PCGF3: variants seen among roughly 807,000 people sequenced by gnomAD.
PCGF3 encodes polycomb group ring finger 3, also known as polycomb group RING finger protein 3.
PCGF3 carries 7 observed loss-of-function variants against 33.1 expected under a neutral mutation model. That is an observed-to-expected ratio of 0.21 (90% CI 0.12 to 0.40). PCGF3 has a LOEUF of 0.40. Ranked by LOEUF, PCGF3 falls within the 10% of genes least tolerant of loss-of-function variation. The pLI is 1.00. For synonymous variants in PCGF3, 153 were observed against 121.3 expected (o/e 1.26, Z -1.72); for missense variants, 211 against 313.3 (o/e 0.67, Z 2.46).
intron 1 of PCGF3, among the ~76,000 whole-genome samples, chr4:710,633 T>A (rs1055672345): frequency 8.5e-5 from 13 of 152,242 alleles, no homozygotes; most frequent in African/African-American, 2.9e-4. Context: ...GTTTCTCCGA[T>A]GTCACCGTCA....
chr4:756,683 T>C (rs1327834777), intron 8 of PCGF3, among the ~76,000 whole-genome samples: 1 of 152,192 alleles, frequency 6.6e-6, no homozygotes, highest in African/African-American at 2.4e-5. Context: ...TTCAGTGGCC[T>C]TGGGTACAGA....
At chr4:713,420 GTGGGGGCTGTGGCC>G (rs1742667239) in intron 1 of PCGF3, among the ~76,000 whole-genome samples, 2 of 142,164 alleles carry the variant, frequency 1.4e-5, no homozygotes, top group African/African-American at 2.7e-5. Flanking sequence ...CTGTGGCCTC[GTGGGGGCTGTGGCC>G]TCATGGGTCT....
At chr4:715,883 CCTGTGGACACTGAGGGTGAGAACTGGGCG>C (rs1742807287) in intron 1 of PCGF3, among the ~76,000 whole-genome samples, 1 of 107,442 alleles carries the variant, frequency 9.3e-6, no homozygotes. Context: ...GTGCTGGGAC[CCTGTGGACACTGAGGGTGAGAACTGGGCG>C]TCGGTGCTGG....
chr4:760,854 C>T (rs2152620741), intron 8 of PCGF3, among the ~76,000 whole-genome samples: 1 of 152,340 alleles, frequency 6.6e-6, no homozygotes, highest in African/African-American at 2.4e-5. Context: ...CCGCCTGTGG[C>T]CCTGCTCAAG....
At chr4:711,443 C>CTTTTTTTTTTTTTTT (rs201359627) in intron 1 of PCGF3, among the ~76,000 whole-genome samples, 1 of 122,940 alleles carries the variant, frequency 8.1e-6, no homozygotes, top group African/African-American at 2.8e-5. Context: ...TGTAATTTTT[C>CTTTTTTTTTTTTTTT]TTTTTTTTTT....
chr4:728,178 T>TC (rs1436034749), intron 1 of PCGF3, among the ~76,000 whole-genome samples: 1 of 152,160 alleles, frequency 6.6e-6, no homozygotes, highest in Non-Finnish European at 1.5e-5. Context: ...CACGGCCAGC[T>TC]CCCCCGAATC....
chr4:728,243 T>C (rs1743408632), intron 1 of PCGF3, among the ~76,000 whole-genome samples: 1 of 152,128 alleles, frequency 6.6e-6, no homozygotes, highest in South Asian at 2.1e-4. Context: ...CAATAACAAA[T>C]AACAGTACAA....
chr4:770,087 TAA>T (rs1745561216), exon 11 of PCGF3: 1 of 152,626 alleles, frequency 6.6e-6, no homozygotes, highest in Non-Finnish European at 1.5e-5. Flanking sequence ...AAGAAAAGCT[TAA>T]GTGAAAGTGT....
intron 1 of PCGF3, chr4:723,676 G>A (rs1743208808): frequency 6.5e-6 from 1 of 153,710 alleles, no homozygotes; most frequent in African/African-American, 2.4e-5. Context: ...AGACCCTCAA[G>A]ACGCAGGAGC....
chr4:721,227 C>T lies in PCGF3; in HGVS notation c.-189-9403C>T, dbSNP rs752446478. ...ATGGTTCCCCAGTGAGGCTGTTCCACGGTGGCACAGGACACGCCTGCAGCT... is the reference window on the plus strand; with the variant it reads ...ATGGTTCCCCAGTGAGGCTGTTCCATGGTGGCACAGGACACGCCTGCAGCT... On this transcript the variant is annotated intron_variant, in intron 1 of 10. Coordinates refer to ENST00000362003, the Ensembl canonical transcript of PCGF3. This position sits in a 1 kb window ranked among gnomAD's most constrained non-coding sequence, Gnocchi z 4.1. Among the ~76,000 whole-genome samples the T allele has an allele frequency of 1.4e-4, 22 of 152,302 alleles. No individual in the cohort carries two copies. The highest frequency in any genetic ancestry group is 2.4e-4 in the Non-Finnish European group (16 of 68,024).
At chr4:733,031 C>T (rs969115394) in intron 3 of PCGF3, among the ~76,000 whole-genome samples, 13 of 151,926 alleles carry the variant, frequency 8.6e-5, no homozygotes, top group African/African-American at 3.2e-4. Flanking sequence ...TTGTGCCCAC[C>T]CTGTGAGGGT....
chr4:735,159 AC>A, intron 5 of PCGF3, 132 bp downstream of exon 5: 1 of 998,252 alleles, frequency 1.0e-6, no homozygotes, highest in Non-Finnish European at 1.5e-6. Context: ...GACCAAGGGC[AC>A]CCCAGGAGCT....
At chr4:734,019 C>T in intron 4 of PCGF3, 3 of 1,550,862 alleles carry the variant, frequency 1.9e-6, no homozygotes, top group Non-Finnish European at 2.6e-6. Context: ...GAGCGAAACA[C>T]AGGAGAGACC....
intron 8 of PCGF3, among the ~76,000 whole-genome samples, chr4:755,118 A>G (rs2152610442): frequency 6.6e-6 from 1 of 152,340 alleles, no homozygotes; most frequent in East Asian, 1.9e-4. Flanking sequence ...CTGTGTGCAC[A>G]CAGGCCCGCG....
intron 6 of PCGF3, among the ~76,000 whole-genome samples, chr4:740,804 G>C (rs891887657): frequency 2.6e-5 from 4 of 152,216 alleles, no homozygotes; most frequent in African/African-American, 7.2e-5. Context: ...CACTGGCTCA[G>C]CTGTGGTCGC....
intron 1 of PCGF3, among the ~76,000 whole-genome samples, chr4:729,404 GA>G (rs1743459360): frequency 6.8e-6 from 1 of 147,640 alleles, no homozygotes. Flanking sequence ...GGCAGAGCAA[GA>G]TCCTGTCTCA....
intron 8 of PCGF3, 87 bp from the exon 9 acceptor site, chr4:761,192 G>T: frequency 5.2e-6 from 6 of 1,147,784 alleles, no homozygotes; most frequent in Non-Finnish European, 7.2e-6. Flanking sequence ...CCTAGATTGA[G>T]GAATTAGTGA....
At chr4:729,215 G>A (rs1219554007) in intron 1 of PCGF3, among the ~76,000 whole-genome samples, 2 of 150,852 alleles carry the variant, frequency 1.3e-5, no homozygotes, top group Admixed American at 1.3e-4. Context: ...AGTAGTTCAC[G>A]GCCAGCCTGG....
intron 3 of PCGF3, 28 bp downstream of exon 3, chr4:731,138 G>T (rs1341847154): frequency 4.0e-5 from 16 of 398,494 alleles, no homozygotes; most frequent in Non-Finnish European, 6.6e-5. Context: ...CGACCCCGGG[G>T]GTCCTGCTGA....
Sources: allele counts gnomAD v4.1 joint callset (sites outside exome capture counted in the v4.1 genomes callset), GRCh38; gene constraint gnomAD v4.1.1; non-coding constraint Gnocchi (gnomAD v3.1); transcripts MANE v1.5; gene names NCBI Gene and HGNC (gene_info 2026-07-23, HGNC 2026-07-21).